ADGB: variants seen among roughly 807,000 people sequenced by gnomAD.
ADGB encodes the protein calpain-7-like protein.
In ADGB, 172 loss-of-function variants were observed where a neutral mutation model predicts 210.5. The ratio of observed to expected loss-of-function variants is 0.82; its 90% CI spans 0.72 to 0.93. The LOEUF (loss-of-function observed/expected upper bound fraction) is 0.93. ADGB is among the 40% of genes least tolerant of loss of function. ADGB has a pLI of 0.00. For missense variants in ADGB, 2,025 were observed against 1,964.8 expected (o/e 1.03, Z -0.58); for synonymous variants, 658 against 662.7 (o/e 0.99, Z 0.11).
intron 20 of ADGB, among the ~76,000 whole-genome samples, chr6:146,731,452 G>T (rs11155481): frequency 0.58 from 88,227 of 151,892 alleles, 27,498 homozygotes; most frequent in African/African-American, 0.81. Flanking sequence ...CATTCTAGAT[G>T]GCCTTGTTTT....
At chr6:146,636,311 A>C (rs1394154885) in intron 2 of ADGB, among the ~76,000 whole-genome samples, 1 of 152,048 alleles carries the variant, frequency 6.6e-6, no homozygotes, top group Non-Finnish European at 1.5e-5. Flanking sequence ...CTGAAATAGT[A>C]AATCTTAGCA....
Position 146,769,006 on chromosome 6 carries a change from A to T in ADGB, c.3751-14A>T. On this transcript the variant is annotated splice_polypyrimidine_tract_variant and intron_variant, in intron 28 of 35. Transcript: ENST00000397944. The stretch of plus-strand genomic sequence containing the variant: ...TGTTCTTATCATTTTTAAACACTGC[A>T]TTTTATTTCACAGAATTACAAGTAT... 7.3e-7 allele frequency: 1 copy of T among 1,376,208 alleles called. No homozygotes were observed. The highest frequency in any genetic ancestry group is 9.9e-7 in the Non-Finnish European group (1 of 1,006,768). 85.2% of individuals were successfully genotyped at this position (1,376,208 alleles called of 1,614,324 possible).
intron 13 of ADGB, among the ~76,000 whole-genome samples, chr6:146,706,018 G>A (rs1776564734): frequency 6.6e-6 from 1 of 151,704 alleles, no homozygotes; most frequent in African/African-American, 2.4e-5. Context: ...TTGAACTCCT[G>A]GGCTCAAGCA....
chr6:146,633,228 C>A (rs897310781), intron 1 of ADGB, among the ~76,000 whole-genome samples: 5 of 152,130 alleles, frequency 3.3e-5, no homozygotes, highest in Non-Finnish European at 5.9e-5. Context: ...TATGCAGAAT[C>A]TATTTCTTGC....
intron 35 of ADGB, chr6:146,803,119 G>A: frequency 6.7e-7 from 1 of 1,488,776 alleles, no homozygotes; most frequent in Non-Finnish European, 9.4e-7. Flanking sequence ...AGCACAGGAA[G>A]GCAATCTACC....
intron 9 of ADGB, among the ~76,000 whole-genome samples, chr6:146,680,157 G>T (rs981591672): frequency 6.6e-6 from 1 of 152,072 alleles, no homozygotes; most frequent in Non-Finnish European, 1.5e-5. Context: ...GTGAGATGTG[G>T]CCTTCTGTAT....
chr6:146,626,238 G>GTT (rs1317015869), intron 1 of ADGB, among the ~76,000 whole-genome samples: 3 of 151,872 alleles, frequency 2.0e-5, no homozygotes, highest in Non-Finnish European at 4.4e-5. Flanking sequence ...TATATTTGAT[G>GTT]TTATATATAT....
At chr6:146,750,546 A>G (rs904764531) in intron 26 of ADGB, among the ~76,000 whole-genome samples, 11 of 152,072 alleles carry the variant, frequency 7.2e-5, no homozygotes. Flanking sequence ...GAACTTTTCC[A>G]TATATATAGA....
intron 19 of ADGB, among the ~76,000 whole-genome samples, chr6:146,728,084 A>G (rs1776923876): frequency 6.6e-6 from 1 of 152,160 alleles, no homozygotes; most frequent in Non-Finnish European, 1.5e-5. Context: ...AACACCTCAC[A>G]GTTTTCTCCA....
chr6:146,691,443 A>AT (rs1562275550), intron 11 of ADGB, among the ~76,000 whole-genome samples, 153 bp downstream of exon 11: 4 of 21,284 alleles, frequency 1.9e-4, no homozygotes, highest in African/African-American at 7.5e-4. Context: ...TATATATATA[A>AT]AAATATATAT....
chr6:146,802,674 A>C, intron 35 of ADGB: 1 of 946,720 alleles, frequency 1.1e-6, no homozygotes, highest in Non-Finnish European at 1.6e-6. Flanking sequence ...GTGGCTTTTT[A>C]AAAGAAAAAA....
chr6:146,672,265 G>A lies in ADGB; in HGVS notation c.885G>A (p.Leu295=), dbSNP rs1472481080. ...DKVWELLKEI[L]PEFKLSDEAS... is the part of the protein sequence containing the mutation. ...TTTGGGAGCTCCTGAAAGAAATATT[G>A]CCTGAGTTTAAGCTGTCAGATGAGG... Residue 295 remains leucine, a synonymous_variant, in exon 8 of 36, where the codon TTG becomes TTA. Coordinates refer to ENST00000397944, the MANE Select transcript of ADGB (RefSeq NM_024694.4). 6.5e-7 allele frequency: 1 copy of A among 1,547,420 alleles called. No homozygotes were observed. Among genetic ancestry groups the A allele is most frequent in the African/African-American group, 1.4e-5 (1 of 72,778 alleles).
chr6:146,699,200 G>A (rs1282607904), intron 12 of ADGB, among the ~76,000 whole-genome samples: 1 of 152,064 alleles, frequency 6.6e-6, no homozygotes, highest in Non-Finnish European at 1.5e-5. Context: ...CATTGGTTAT[G>A]GAAGCTGAGA....
chr6:146,614,947 C>G (rs1197834943), intron 1 of ADGB, among the ~76,000 whole-genome samples: 1 of 152,172 alleles, frequency 6.6e-6, no homozygotes, highest in Non-Finnish European at 1.5e-5. Context: ...GTCGCCCAGG[C>G]TGGAGTGCAG....
At position 146,784,705 on chromosome 6, in the gene ADGB, T is replaced by C. The variant is rs545214807; in HGVS notation, c.4123T>C (p.Phe1375Leu). 1 of 1,551,380 alleles carries C rather than the reference T, an allele frequency of 6.4e-7. No homozygotes were observed. The highest frequency in any genetic ancestry group is 1.2e-5 in the South Asian group (1 of 84,022). ...CACTGAACACAATGAATCAGAATTA[T>C]TTGAAGTGAAAAAGGATACAGAAAG... ...LVTEHNESEL[F>L]EVKKDTERAD... Residue 1375 changes from phenylalanine (F) to leucine (L), a missense_variant, in exon 31 of 36, where the codon TTT (phenylalanine) becomes CTT (leucine). Physicochemically the swap from Phe to Leu is conservative, Grantham distance 22 (BLOSUM62 0). Transcript: ENST00000397944.
At position 146,812,530 on chromosome 6, in the gene ADGB, C is replaced by T. The variant is rs548501717; in HGVS notation, c.4819-2502C>T. On this transcript the variant is annotated intron_variant, in intron 35 of 35. Transcript: ENST00000397944. ...CATTTCTGTGAGATTTTAATCAGTG[C>T]CCATGAAATGCACATTTTATATCAG... 4.6e-5 allele frequency among the ~76,000 whole-genome samples: 7 copies of T among 152,184 alleles called. No individual in the cohort carries two copies. The East Asian group carries it at 1.4e-3, about 29-fold the overall frequency.
At chr6:146,686,485 A>G (rs1776236202) in intron 10 of ADGB, among the ~76,000 whole-genome samples, 1 of 152,076 alleles carries the variant, frequency 6.6e-6, no homozygotes, top group South Asian at 2.1e-4. Flanking sequence ...CTGGAATCAC[A>G]CTTTATGTTA....
At chr6:146,691,460 A>AT (rs1776319615) in intron 11 of ADGB, among the ~76,000 whole-genome samples, 170 bp downstream of exon 11, 1 of 19,120 alleles carries the variant, frequency 5.2e-5, no homozygotes, top group Non-Finnish European at 8.0e-5. Context: ...ATATATATAA[A>AT]AATATATATA....
At position 146,662,507 on chromosome 6, in the gene ADGB, A is replaced by G. The variant is rs76543472; in HGVS notation, c.613-1694A>G. ...TTCCATTTCTTTGCTGAGAGTTTCTATTTTTGAATTTGTTTCAAGAGTGTT... is the reference window on the plus strand; with the variant it reads ...TTCCATTTCTTTGCTGAGAGTTTCTGTTTTTGAATTTGTTTCAAGAGTGTT... On this transcript the variant is annotated intron_variant, in intron 5 of 35. Transcript: ENST00000397944. Among the ~76,000 whole-genome samples, 143 of 151,946 alleles carry G rather than the reference A, an allele frequency of 9.4e-4. 4 individuals carry two copies. The East Asian group carries it at 0.021, about 22-fold the overall frequency.
Sources: allele counts gnomAD v4.1 joint callset (sites outside exome capture counted in the v4.1 genomes callset), GRCh38; gene constraint gnomAD v4.1.1; transcripts MANE v1.5; gene names NCBI Gene and HGNC (gene_info 2026-07-23, HGNC 2026-07-21).